Variants in TMEM248 observed in about 807,000 individuals in gnomAD.
TMEM248 encodes UPF0458 protein C7orf42.
In TMEM248, 9 loss-of-function variants were observed where a neutral mutation model predicts 30.3. The observed-to-expected ratio is 0.30, with a 90% CI of 0.18 to 0.52. The LOEUF (loss-of-function observed/expected upper bound fraction) is 0.52, where lower values mean the gene tolerates loss of function less well. TMEM248 is among the 20% of genes least tolerant of loss of function. The pLI is 0.97. For missense variants in TMEM248, 338 were observed against 403.3 expected (o/e 0.84, Z 1.39); for synonymous variants, 184 against 154.4 (o/e 1.19, Z -1.42).
chr7:66,941,836 C>G lies in TMEM248; in HGVS notation c.-18-12C>G, dbSNP rs13222461. 84,615 of 1,585,478 alleles carry G rather than the reference C, an allele frequency of 0.053. 2,682 individuals carry two copies. Among genetic ancestry groups the G allele is most frequent in the Admixed American group, 0.064 (3,614 of 56,782 alleles). ...AAGTCAGTCCTTGAAGCTTCTGATT[C>G]ATTTCTTTCAGGTGGAGCTGATCAG... On this transcript the variant is annotated splice_polypyrimidine_tract_variant and intron_variant, in intron 1 of 6. Coordinates refer to ENST00000341567, the MANE Select transcript of TMEM248 (RefSeq NM_017994.5).
intron 1 of TMEM248, among the ~76,000 whole-genome samples, chr7:66,924,220 G>A (rs952922479): frequency 1.3e-5 from 2 of 152,186 alleles, no homozygotes; most frequent in African/African-American, 4.8e-5. Context: ...TAAATGGCAA[G>A]CCCTTCAGTC....
chr7:66,932,858 C>T (rs1791703653), intron 1 of TMEM248, among the ~76,000 whole-genome samples: 1 of 147,822 alleles, frequency 6.8e-6, no homozygotes, highest in African/African-American at 2.5e-5. Context: ...ATTTTAAGAT[C>T]CTGTGGGTGT....
chr7:66,941,977 G>C lies in TMEM248; in HGVS notation c.112G>C (p.Gly38Arg), dbSNP rs774304807. 6.2e-7 allele frequency: 1 copy of C among 1,614,066 alleles called. No homozygotes were observed. The highest frequency in any genetic ancestry group is 8.5e-7 in the Non-Finnish European group (1 of 1,180,000). ...CATGGCCATAGCTTTCCTGACCCTG[G>C]GCTACTTCTTCAAAATCAAGGAGAT... is the stretch of plus-strand genomic sequence containing the variant. The part of the protein sequence containing the change: ...SAMAIAFLTL[G>R]YFFKIKEIKS... Residue 38 changes from glycine (G) to arginine (R), a missense_variant, in exon 2 of 7, where the codon GGC (glycine) becomes CGC (arginine). By Grantham distance (125) the Gly-to-Arg change is moderately radical. Coordinates refer to ENST00000341567, the MANE Select transcript of TMEM248 (RefSeq NM_017994.5).
At chr7:66,950,240 G>A (rs1016010653) in intron 4 of TMEM248, among the ~76,000 whole-genome samples, 3 of 151,718 alleles carry the variant, frequency 2.0e-5, no homozygotes, top group Non-Finnish European at 4.4e-5. Context: ...AGATGATATA[G>A]TTTGGCTGTC....
Position 66,955,502 on chromosome 7 carries a change from G to A in TMEM248, c.925G>A (p.Val309Met), listed in dbSNP as rs751404549. 1.2e-6 allele frequency: 2 copies of A among 1,613,934 alleles called. No individual in the cohort carries two copies. The highest frequency in any genetic ancestry group is 1.7e-6 in the Non-Finnish European group (2 of 1,180,018). ...QSNPEFCPEK[V>M]ALAEA ...GTTTCCCTGGCTTGCTGTCTTCCAGGTGGCTTTGGCTGAAGCCTAATTCCA... is the reference window on the plus strand; with the variant it reads ...GTTTCCCTGGCTTGCTGTCTTCCAGATGGCTTTGGCTGAAGCCTAATTCCA... Residue 309 changes from valine (V) to methionine (M), a missense_variant and splice_region_variant, in exon 7 of 7, where the codon GTG becomes ATG. Val to Met is a conservative substitution (Grantham distance 21). Transcript: ENST00000341567.
chr7:66,941,914 C>A lies in TMEM248; in HGVS notation c.49C>A (p.Arg17=). Residue 17 remains arginine, a synonymous_variant, in exon 2 of 7, where the codon CGG becomes AGG. Coordinates refer to ENST00000341567, the MANE Select transcript of TMEM248 (RefSeq NM_017994.5). ...GAACCTGAAGGTGTACATCAGCAGT[C>A]GGCCTCCCCTGGTGGTCTTCATGAT... ...LENLKVYISS[R]PPLVVFMISV... 1 of 1,614,070 alleles carries A rather than the reference C, an allele frequency of 6.2e-7. No homozygotes were observed. Among genetic ancestry groups the A allele is most frequent in the South Asian group, 1.1e-5 (1 of 91,062 alleles).
At chr7:66,929,787 A>G (rs1303241080) in intron 1 of TMEM248, among the ~76,000 whole-genome samples, 1 of 152,096 alleles carries the variant, frequency 6.6e-6, no homozygotes, top group Non-Finnish European at 1.5e-5. Context: ...GGATGGAGTG[A>G]GAGCTGCCCT....
chr7:66,941,167 G>C (rs1791939430), intron 1 of TMEM248, among the ~76,000 whole-genome samples: 1 of 152,200 alleles, frequency 6.6e-6, no homozygotes, highest in East Asian at 1.9e-4. Context: ...CAGATTACGA[G>C]GTCAGGAGTT....
At chr7:66,938,058 T>C (rs1169145539) in intron 1 of TMEM248, among the ~76,000 whole-genome samples, 1 of 152,204 alleles carries the variant, frequency 6.6e-6, no homozygotes, top group Non-Finnish European at 1.5e-5. Flanking sequence ...TGTGTCTTTA[T>C]AGGTAGGGTG....
chr7:66,951,665 C>G (rs1470575909), intron 5 of TMEM248, among the ~76,000 whole-genome samples: 1 of 151,200 alleles, frequency 6.6e-6, no homozygotes. Context: ...GCTCAGCTTC[C>G]TACTTAGACT....
chr7:66,922,871 A>T (rs763079891), intron 1 of TMEM248, among the ~76,000 whole-genome samples: 1 of 151,848 alleles, frequency 6.6e-6, no homozygotes, highest in African/African-American at 2.4e-5. Context: ...ATGCCCAGCT[A>T]ATTTTTGTAT....
intron 1 of TMEM248, among the ~76,000 whole-genome samples, chr7:66,928,909 T>C (rs540430573): frequency 6.6e-6 from 1 of 152,286 alleles, no homozygotes; most frequent in African/African-American, 2.4e-5. Flanking sequence ...CACCTCAGCC[T>C]CCCAAGTAGC....
In TMEM248 at chr7:66,945,023, A is replaced by G; in HGVS notation, c.207A>G (p.Val69=). Residue 69 remains valine (V), a synonymous_variant, in exon 3 of 7, where the codon GTA becomes GTG. Coordinates refer to ENST00000341567, the MANE Select transcript of TMEM248 (RefSeq NM_017994.5). ...LLRFNDLDLC[V]SENETLKHLT... ...GGTTCAATGATTTGGACTTGTGTGT[A>G]TCAGAGAATGAAACCCTCAAGCATC... The G allele has an allele frequency of 6.2e-7, 1 of 1,614,220 alleles. No individual in the cohort carries two copies. The highest frequency in any genetic ancestry group is 8.5e-7 in the Non-Finnish European group (1 of 1,180,052).
At chr7:66,939,326 G>T (rs1039533785) in intron 1 of TMEM248, among the ~76,000 whole-genome samples, 1 of 152,150 alleles carries the variant, frequency 6.6e-6, no homozygotes, top group Non-Finnish European at 1.5e-5. Flanking sequence ...AACCCAGCTA[G>T]GCCCCTCAGA....
rs1383027219 is a variant in TMEM248 at position 66,942,028 on chromosome 7, T to C, written c.159+4T>C. On this transcript the variant is annotated splice_donor_region_variant and intron_variant, in intron 2 of 6. Coordinates refer to ENST00000341567, the MANE Select transcript of TMEM248 (RefSeq NM_017994.5). ...TAAATCCCCAGAAATGGCAGAGGTATAGTATGCTCTGACTTCTCCCGGGCT... is the reference window on the plus strand; with the variant it reads ...TAAATCCCCAGAAATGGCAGAGGTACAGTATGCTCTGACTTCTCCCGGGCT... The C allele has an allele frequency of 3.7e-6, 6 of 1,613,274 alleles. No individual in the cohort carries two copies. Among genetic ancestry groups the C allele is most frequent in the African/African-American group, 2.7e-5 (2 of 74,918 alleles).
intron 1 of TMEM248, among the ~76,000 whole-genome samples, chr7:66,927,999 G>C (rs575253657): frequency 1.3e-5 from 2 of 152,286 alleles, no homozygotes; most frequent in African/African-American, 2.4e-5. Flanking sequence ...TGGATCACCT[G>C]AGGTCAGGAA....
intron 1 of TMEM248, chr7:66,922,050 G>C (rs1791398970): frequency 6.6e-6 from 1 of 152,220 alleles, no homozygotes; most frequent in South Asian, 2.1e-4. Context: ...CAGGCTTGTT[G>C]TGCTGTTTTG....
At chr7:66,942,593 T>A (rs966801509) in intron 2 of TMEM248, among the ~76,000 whole-genome samples, 6 of 152,188 alleles carry the variant, frequency 3.9e-5, no homozygotes, top group Admixed American at 2.6e-4. Context: ...CCTCCCGGGC[T>A]CAAGCGATTC....
Position 66,922,926 on chromosome 7 carries a change from G to A in TMEM248, c.-19+1465G>A, listed in dbSNP as rs140687155. On this transcript the variant is annotated intron_variant, in intron 1 of 6. Coordinates refer to ENST00000341567, the MANE Select transcript of TMEM248 (RefSeq NM_017994.5). ...TCACCATGTTGGCCAGGCTGGTCTT[G>A]AACTCCTGACCTCAGGTGATCCATC... Among the ~76,000 whole-genome samples, 495 of 152,116 alleles carry A rather than the reference G, an allele frequency of 3.3e-3. 2 individuals carry two copies. Among genetic ancestry groups the A allele is most frequent in the African/African-American group, 0.011 (447 of 41,490 alleles).
Sources: allele counts gnomAD v4.1 joint callset (sites outside exome capture counted in the v4.1 genomes callset), GRCh38; gene constraint gnomAD v4.1.1; transcripts MANE v1.5; gene names NCBI Gene and HGNC (gene_info 2026-07-23, HGNC 2026-07-21).